Variants in CHM observed in about 807,000 individuals in gnomAD.
The protein encoded by CHM is rab proteins geranylgeranyltransferase component A 1.
In CHM, 10 loss-of-function variants were observed where a neutral mutation model predicts 49.0. That is an observed-to-expected ratio of 0.20 (90% CI 0.13 to 0.35). The LOEUF (loss-of-function observed/expected upper bound fraction) is 0.35, where lower values mean the gene tolerates loss of function less well. Among genes scored for constraint, CHM ranks in the 10% least tolerant of loss-of-function variants. CHM has a pLI of 1.00. For missense variants in CHM, 455 were observed against 478.4 expected (o/e 0.95, Z 0.46); for synonymous variants, 184 against 167.5 (o/e 1.10, Z -0.76).
chrX:85,976,875 A>C (rs3986785), intron 4 of CHM, among the ~76,000 whole-genome samples: 4,976 of 76,286 alleles, frequency 0.065, 193 homozygotes, highest in Non-Finnish European at 0.084. Context: ...AACACACACA[A>C]ACACACACAC....
chrX:85,973,300 C>CAAAAAAAAAAAAAAAAAAA (rs58103002), intron 4 of CHM, among the ~76,000 whole-genome samples: 2 of 16,334 alleles, frequency 1.2e-4, no homozygotes, highest in Non-Finnish European at 1.9e-4. Context: ...TCTGTCTCGA[C>CAAAAAAAAAAAAAAAAAAA]AAAAAAAAAA....
intron 8 of CHM, among the ~76,000 whole-genome samples, chrX:85,952,978 G>A (rs1357017912): frequency 5.3e-5 from 6 of 112,666 alleles, no homozygotes; most frequent in African/African-American, 1.6e-4. Context: ...GAGGCTGAGA[G>A]AAGTCAAATT....
chrX:85,953,716 T>A (rs1271297046), intron 8 of CHM, among the ~76,000 whole-genome samples: 2 of 112,042 alleles, frequency 1.8e-5, no homozygotes, highest in Non-Finnish European at 3.8e-5. Context: ...ACTGGATATC[T>A]GTATGCAGAA....
chrX:85,973,256 G>C (rs934881975), intron 4 of CHM, among the ~76,000 whole-genome samples: 1 of 80,195 alleles, frequency 1.2e-5, no homozygotes, highest in African/African-American at 5.1e-5. Flanking sequence ...CCGAGATCAC[G>C]CCACTGCACT....
At chrX:86,019,161 A>G (rs1385091070) in intron 2 of CHM, among the ~76,000 whole-genome samples, 1 of 111,580 alleles carries the variant, frequency 9.0e-6, no homozygotes, top group African/African-American at 3.3e-5. Context: ...TTCTGTCATG[A>G]GTGTTGGAAT....
rs747997688 is a variant in CHM at position 86,018,833 on chromosome X, T to G, written c.116+8658A>C. Among the ~76,000 whole-genome samples the G allele has an allele frequency of 4.5e-5, 5 of 111,087 alleles. No individual in the cohort carries two copies. In the South Asian group the frequency reaches 1.9e-3, roughly 42 times the overall value. On this transcript the variant is annotated intron_variant, in intron 2 of 14. Transcript: ENST00000357749. The stretch of plus-strand genomic sequence containing the variant: ...TTCTATACATGAAATGACAAAATAA[T>G]AGAGATGAAAAACAGACTAGTGGTC...
At chrX:85,978,157 C>G (rs1931384736) in intron 4 of CHM, among the ~76,000 whole-genome samples, 1 of 111,923 alleles carries the variant, frequency 8.9e-6, no homozygotes, top group Non-Finnish European at 1.9e-5. Flanking sequence ...TGTTTTTAAA[C>G]AGTGAATCTC....
At chrX:85,929,781 A>C (rs1041123168) in intron 8 of CHM, among the ~76,000 whole-genome samples, 1 of 111,972 alleles carries the variant, frequency 8.9e-6, no homozygotes, top group Non-Finnish European at 1.9e-5. Context: ...TTTTCATTTA[A>C]TATTAGTTTT....
intron 11 of CHM, among the ~76,000 whole-genome samples, chrX:85,897,073 TATTA>T (rs1282648334): frequency 3.3e-5 from 3 of 90,283 alleles, no homozygotes; most frequent in African/African-American, 1.4e-4. Context: ...ATATATTATA[TATTA>T]ATTACATAAT....
intron 4 of CHM, among the ~76,000 whole-genome samples, chrX:85,974,047 A>G (rs943672280): frequency 8.9e-6 from 1 of 112,417 alleles, no homozygotes; most frequent in African/African-American, 3.2e-5. Context: ...ATTCAGCAAG[A>G]TTTCAAGAAA....
intron 4 of CHM, among the ~76,000 whole-genome samples, chrX:85,975,042 G>C (rs1931177346): frequency 9.1e-6 from 1 of 110,310 alleles, no homozygotes; most frequent in Non-Finnish European, 1.9e-5. Flanking sequence ...GACATGAACA[G>C]ACACTTCACC....
intron 9 of CHM, among the ~76,000 whole-genome samples, chrX:85,902,084 G>C (rs10442397): frequency 0.03 from 3,378 of 111,807 alleles, 117 homozygotes; most frequent in African/African-American, 0.1. Context: ...GCAAATGACT[G>C]TGTGTTTGCT....
chrX:86,002,982 T>G (rs1932775308), intron 2 of CHM, among the ~76,000 whole-genome samples: 1 of 111,784 alleles, frequency 8.9e-6, no homozygotes, highest in Admixed American at 9.4e-5. Context: ...CATCTCCCAG[T>G]AGGGGCCGAC....
Position 85,956,218 on chromosome X carries a change from C to T in CHM, c.1101G>A (p.Arg367=), listed in dbSNP as rs975690938. The change falls in exon 8 of 15, where the codon CGG becomes CGA. Residue 367 remains arginine (R), a synonymous_variant. Coordinates refer to ENST00000357749, the MANE Select transcript of CHM (RefSeq NM_000390.4). The part of the protein sequence containing the change: ...ATKNFLHCLG[R]YGNTPFLFPL... ...GAAACAAAAATGGAGTGTTGCCATA[C>T]CGCCCAAGACAGTGAAGAAAGTTTT... 2.5e-6 allele frequency: 3 copies of T among 1,209,034 alleles called. No homozygotes were observed. The highest frequency in any genetic ancestry group is 2.3e-4 in the Middle Eastern group (1 of 4,372).
At chrX:86,044,963 G>A (rs779206068) in intron 1 of CHM, among the ~76,000 whole-genome samples, 2 of 111,708 alleles carry the variant, frequency 1.8e-5, no homozygotes, top group African/African-American at 3.2e-5. Flanking sequence ...ATAATCTCTC[G>A]AAAATATGAT....
chrX:85,990,856 G>T (rs1165314786), intron 2 of CHM, among the ~76,000 whole-genome samples: 3 of 111,791 alleles, frequency 2.7e-5, no homozygotes, highest in Non-Finnish European at 5.7e-5. Context: ...TTACAATTCA[G>T]TGTTGAATAT....
chrX:85,888,425 G>A (rs1925234201), intron 12 of CHM, among the ~76,000 whole-genome samples: 1 of 112,391 alleles, frequency 8.9e-6, no homozygotes, highest in Non-Finnish European at 1.9e-5. Context: ...CATTGGATGT[G>A]TAAGTCGATA....
intron 8 of CHM, among the ~76,000 whole-genome samples, chrX:85,929,758 G>C (rs1750876830): frequency 9.0e-6 from 1 of 111,558 alleles, no homozygotes; most frequent in African/African-American, 3.3e-5. Flanking sequence ...CGAATTTATA[G>C]TCAATTCCTC....
chrX:85,971,772 G>A (rs1603266593), intron 4 of CHM, among the ~76,000 whole-genome samples: 1 of 111,275 alleles, frequency 9.0e-6, no homozygotes, highest in East Asian at 2.8e-4. Context: ...GGTGCTGATT[G>A]GTGCGTTTAC....
Sources: allele counts gnomAD v4.1 joint callset (sites outside exome capture counted in the v4.1 genomes callset), GRCh38; gene constraint gnomAD v4.1.1; transcripts MANE v1.5; gene names NCBI Gene and HGNC (gene_info 2026-07-23, HGNC 2026-07-21).